The following PCSK6 variants were observed in gnomAD, a reference collection of about 807,000 sequenced individuals.
PCSK6 encodes paired basic amino acid cleaving enzyme 4.
Under a neutral mutation model 123.3 loss-of-function variants are expected in PCSK6, and 85 were observed. The ratio of observed to expected loss-of-function variants is 0.69; its 90% CI spans 0.58 to 0.83. The LOEUF (loss-of-function observed/expected upper bound fraction) is 0.83, where lower values mean the gene tolerates loss of function less well. PCSK6 is among the 40% of genes least tolerant of loss of function. The probability of loss-of-function intolerance (pLI) is 0.00; values close to 1 mark genes in which losing one functional copy is unlikely to be tolerated. For synonymous variants in PCSK6, 508 were observed against 516.0 expected, an observed-to-expected ratio of 0.98 and a Z score of 0.21; for missense variants, 1,191 against 1,282.3, an observed-to-expected ratio of 0.93 and a Z score of 1.09.
intron 1 of PCSK6, among the ~76,000 whole-genome samples, chr15:101,445,777 G>T (rs1057477855): frequency 1.3e-5 from 2 of 152,230 alleles, no homozygotes; most frequent in African/African-American, 4.8e-5. Flanking sequence ...GGACATGGAG[G>T]AACGAAGAGT....
At chr15:101,388,160 A>T (rs2042125418) in intron 9 of PCSK6, among the ~76,000 whole-genome samples, 1 of 152,242 alleles carries the variant, frequency 6.6e-6, no homozygotes, top group Non-Finnish European at 1.5e-5. Context: ...GAGTTTCCAC[A>T]CAAGCAACTC....
intron 2 of PCSK6, among the ~76,000 whole-genome samples, chr15:101,434,907 G>A (rs2056553066): frequency 6.6e-6 from 1 of 152,134 alleles, no homozygotes; most frequent in Admixed American, 6.5e-5. Flanking sequence ...ACCACAAAGA[G>A]AAAGCCATTT....
intron 1 of PCSK6, among the ~76,000 whole-genome samples, chr15:101,457,693 T>C (rs2057224469): frequency 6.6e-6 from 1 of 152,204 alleles, no homozygotes; most frequent in Middle Eastern, 3.4e-3. Context: ...AGGTGAACAG[T>C]ACAGGGTGCA....
chr15:101,322,501 G>C lies in PCSK6; in HGVS notation c.2465+19C>G. ...AGCGCCACCGCCCTGACATTCCTCAGGTTTCGAGGGGGTTTTACCTGAATC... is the reference window on the plus strand; with the variant it reads ...AGCGCCACCGCCCTGACATTCCTCACGTTTCGAGGGGGTTTTACCTGAATC... On this transcript the variant is annotated intron_variant, in intron 18 of 21. Coordinates refer to ENST00000611716, the MANE Select transcript of PCSK6 (RefSeq NM_002570.5). The C allele has an allele frequency of 1.3e-6, 2 of 1,570,320 alleles. No homozygotes were observed. Among genetic ancestry groups the C allele is most frequent in the East Asian group, 4.5e-5 (2 of 44,660 alleles).
intron 13 of PCSK6, among the ~76,000 whole-genome samples, chr15:101,336,499 C>T (rs765302018): frequency 6.6e-5 from 10 of 152,200 alleles, no homozygotes; most frequent in Non-Finnish European, 1.2e-4. Context: ...ATTGCCAATC[C>T]GATAACTCAG....
chr15:101,425,825 A>C (rs2056237944), intron 6 of PCSK6, among the ~76,000 whole-genome samples: 1 of 152,112 alleles, frequency 6.6e-6, no homozygotes, highest in Non-Finnish European at 1.5e-5. Context: ...TGCTGTATTT[A>C]CTGTGCACCT....
At chr15:101,345,536 G>A (rs943891704) in intron 13 of PCSK6, among the ~76,000 whole-genome samples, 5 of 151,966 alleles carry the variant, frequency 3.3e-5, no homozygotes, top group Admixed American at 3.3e-4. Context: ...CAGCAGGCCA[G>A]AAAAAAAATT....
At chr15:101,371,250 G>A (rs1032478535) in intron 11 of PCSK6, among the ~76,000 whole-genome samples, 16 of 152,082 alleles carry the variant, frequency 1.1e-4, no homozygotes, top group Non-Finnish European at 2.2e-4. Flanking sequence ...GCAGACTTGG[G>A]TGAATGTCCC....
At chr15:101,457,478 G>C (rs1485940242) in intron 1 of PCSK6, among the ~76,000 whole-genome samples, 7 of 152,208 alleles carry the variant, frequency 4.6e-5, no homozygotes, top group African/African-American at 1.7e-4. Context: ...CTGGTCAGCT[G>C]GGTTTTTTCA....
intron 6 of PCSK6, among the ~76,000 whole-genome samples, chr15:101,405,684 TAA>T (rs5815010): frequency 6.8e-6 from 1 of 147,050 alleles, no homozygotes. Flanking sequence ...TTAGTGAAGC[TAA>T]AAAAAAAAAC....
chr15:101,474,477 G>T (rs1211296001), intron 1 of PCSK6, among the ~76,000 whole-genome samples: 1 of 152,200 alleles, frequency 6.6e-6, no homozygotes, highest in Non-Finnish European at 1.5e-5. Context: ...CTCGTCCGGG[G>T]CCAGGCTTTG....
chr15:101,366,397 G>A, intron 12 of PCSK6, 65 bp from the exon 13 acceptor site: 3 of 1,526,010 alleles, frequency 2.0e-6, no homozygotes, highest in South Asian at 1.2e-5. Context: ...CGGAGGGGCT[G>A]GCACAAGCAG....
At chr15:101,466,755 AT>A (rs34998358) in intron 1 of PCSK6, among the ~76,000 whole-genome samples, 122,718 of 152,110 alleles carry the variant, frequency 0.81, 49,861 homozygotes, top group Non-Finnish European at 0.85. Flanking sequence ...AAAAGACCCT[AT>A]TATTACTGTA....
At chr15:101,341,862 C>T (rs975577465) in intron 13 of PCSK6, among the ~76,000 whole-genome samples, 2 of 151,946 alleles carry the variant, frequency 1.3e-5, no homozygotes, top group African/African-American at 4.8e-5. Flanking sequence ...ATTTAAAAGA[C>T]AACACCCTTA....
chr15:101,382,267 G>A (rs2041930339), intron 10 of PCSK6, 58 bp from the exon 11 acceptor site: 1 of 1,353,444 alleles, frequency 7.4e-7, no homozygotes, highest in Non-Finnish European at 1.0e-6. Context: ...AAGGGAGCAA[G>A]GCTGGCTCTT....
At chr15:101,322,404 GC>G (rs2040146131) in intron 18 of PCSK6, 115 bp downstream of exon 18, 1 of 690,524 alleles carries the variant, frequency 1.4e-6, no homozygotes, top group East Asian at 2.7e-5. Flanking sequence ...ACCCTCAATG[GC>G]TTTGGGCCTC....
chr15:101,353,273 C>T (rs2040946995), intron 13 of PCSK6, among the ~76,000 whole-genome samples: 1 of 152,196 alleles, frequency 6.6e-6, no homozygotes, highest in Non-Finnish European at 1.5e-5. Flanking sequence ...CTGGCACGTG[C>T]AGTTCACAAT....
At chr15:101,451,347 G>A (rs979542221) in intron 1 of PCSK6, among the ~76,000 whole-genome samples, 7 of 151,978 alleles carry the variant, frequency 4.6e-5, no homozygotes, top group South Asian at 2.1e-4. Flanking sequence ...GCAGACACAG[G>A]TGCAGTTCGT....
chr15:101,444,598 T>C (rs1227246503), intron 1 of PCSK6, among the ~76,000 whole-genome samples: 1 of 152,102 alleles, frequency 6.6e-6, no homozygotes, highest in African/African-American at 2.4e-5. Flanking sequence ...GGGTTTTGAG[T>C]CAGATCGATT....
Sources: allele counts gnomAD v4.1 joint callset (sites outside exome capture counted in the v4.1 genomes callset), GRCh38; gene constraint gnomAD v4.1.1; transcripts MANE v1.5; gene names NCBI Gene and HGNC (gene_info 2026-07-23, HGNC 2026-07-21).